The following ITFG1 variants were observed in gnomAD, a reference collection of about 807,000 sequenced individuals.
ITFG1 encodes T-cell immunomodulatory protein.
A neutral mutation model predicts 81.8 loss-of-function variants in ITFG1; 34 were observed. The observed-to-expected ratio is 0.42, with a 90% confidence interval of 0.32 to 0.55. The LOEUF (loss-of-function observed/expected upper bound fraction) is 0.55. Ranked by LOEUF, ITFG1 falls within the 20% of genes least tolerant of loss-of-function variation. The pLI is 0.17. For missense variants in ITFG1, 672 were observed against 755.4 expected (o/e 0.89, Z 1.29); for synonymous variants, 285 against 270.6 (o/e 1.05, Z -0.52).
At position 47,242,054 on chromosome 16, in the gene ITFG1, C is replaced by T. The variant is rs60870262; in HGVS notation, c.1331-4046G>A. Among the ~76,000 whole-genome samples, 1,186 of 151,876 alleles carry T rather than the reference C, an allele frequency of 7.8e-3. 14 individuals are homozygous for T. The highest frequency in any genetic ancestry group is 0.028 in the African/African-American group (1,145 of 41,454). On this transcript the variant is annotated intron_variant, in intron 12 of 17. Transcript: ENST00000320640. ...TCTCAAATGATTGCAGTGATGGTTG[C>T]ACAACGCTGAGAATATGCTAAAGCC...
chr16:47,224,032 A>T (rs1016293320), intron 13 of ITFG1, among the ~76,000 whole-genome samples: 5 of 127,714 alleles, frequency 3.9e-5, no homozygotes, highest in African/African-American at 1.2e-4. Flanking sequence ...ACATGGACAC[A>T]GGAAGGGGAA....
intron 8 of ITFG1, among the ~76,000 whole-genome samples, chr16:47,351,418 C>G (rs1431210729): frequency 6.6e-6 from 1 of 152,110 alleles, no homozygotes; most frequent in African/African-American, 2.4e-5. Flanking sequence ...ACACCAAAAA[C>G]AGACAAACAG....
chr16:47,298,411 ATTTCT>A (rs780488478), intron 10 of ITFG1, among the ~76,000 whole-genome samples: 13 of 151,922 alleles, frequency 8.6e-5, no homozygotes, highest in Admixed American at 6.5e-5. Context: ...TATTACACTG[ATTTCT>A]TTACATATGA....
intron 6 of ITFG1, among the ~76,000 whole-genome samples, chr16:47,392,755 A>AAC (rs2151596413): frequency 6.6e-6 from 1 of 152,354 alleles, no homozygotes; most frequent in African/African-American, 2.4e-5. Context: ...GCTCTGTTGT[A>AAC]AGGGGCTTAA....
At chr16:47,460,564 G>A (rs968814182) in intron 1 of ITFG1, among the ~76,000 whole-genome samples, 18 of 152,182 alleles carry the variant, frequency 1.2e-4, no homozygotes, top group Admixed American at 9.8e-4. Context: ...GGGGTAAGGT[G>A]ACTGGGTGAG....
intron 10 of ITFG1, among the ~76,000 whole-genome samples, chr16:47,282,748 C>T (rs972821967): frequency 6.6e-6 from 1 of 152,064 alleles, no homozygotes; most frequent in Admixed American, 6.6e-5. Flanking sequence ...ACATCCTCGC[C>T]AACATGTTGT....
intron 14 of ITFG1, among the ~76,000 whole-genome samples, chr16:47,209,824 T>C (rs1965544166): frequency 6.6e-6 from 1 of 152,230 alleles, no homozygotes; most frequent in Non-Finnish European, 1.5e-5. Context: ...ACTTCTGGGA[T>C]AGGCTTTTTC....
chr16:47,395,948 C>A (rs1327307228), intron 6 of ITFG1, among the ~76,000 whole-genome samples: 3 of 152,136 alleles, frequency 2.0e-5, no homozygotes, highest in Non-Finnish European at 4.4e-5. Flanking sequence ...AAATATCAAA[C>A]CATGTAACAC....
At chr16:47,254,421 A>G (rs1966116857) in intron 12 of ITFG1, among the ~76,000 whole-genome samples, 1 of 152,006 alleles carries the variant, frequency 6.6e-6, no homozygotes, top group Non-Finnish European at 1.5e-5. Flanking sequence ...TGGGAATTGG[A>G]ATATCTTATC....
intron 12 of ITFG1, among the ~76,000 whole-genome samples, chr16:47,248,845 C>T (rs750617679): frequency 2.6e-5 from 4 of 152,034 alleles, no homozygotes; most frequent in Non-Finnish European, 4.4e-5. Context: ...ACATAAAGGG[C>T]CCATTATGGA....
chr16:47,403,701 G>T (rs1478149709), intron 6 of ITFG1, among the ~76,000 whole-genome samples: 1 of 149,514 alleles, frequency 6.7e-6, no homozygotes, highest in African/African-American at 2.5e-5. Flanking sequence ...GAAGTGTTAA[G>T]ATATTTAATA....
intron 14 of ITFG1, among the ~76,000 whole-genome samples, chr16:47,213,306 A>G: frequency 6.6e-6 from 1 of 152,260 alleles, no homozygotes; most frequent in South Asian, 2.1e-4. Flanking sequence ...GAGGTTTTTA[A>G]ATTAAAATTT....
chr16:47,316,856 T>C (rs965794009), intron 8 of ITFG1, among the ~76,000 whole-genome samples: 3 of 152,200 alleles, frequency 2.0e-5, no homozygotes, highest in Admixed American at 2.0e-4. Context: ...ATAATGTCTC[T>C]TTGTGAGTAG....
At chr16:47,342,292 C>T (rs1967794212) in intron 8 of ITFG1, among the ~76,000 whole-genome samples, 2 of 152,100 alleles carry the variant, frequency 1.3e-5, no homozygotes, top group African/African-American at 2.4e-5. Flanking sequence ...TCAAGTGACA[C>T]ATAAAAGGCA....
At chr16:47,183,807 GAGA>G (rs1221847222) in intron 14 of ITFG1, among the ~76,000 whole-genome samples, 2 of 152,202 alleles carry the variant, frequency 1.3e-5, no homozygotes, top group African/African-American at 2.4e-5. Flanking sequence ...GACGAGCTGA[GAGA>G]AGAAGGCTTC....
chr16:47,411,676 G>A (rs886132542), intron 6 of ITFG1, among the ~76,000 whole-genome samples: 1 of 152,108 alleles, frequency 6.6e-6, no homozygotes, highest in African/African-American at 2.4e-5. Context: ...CAACCACTAA[G>A]GAAAGGGGAG....
rs775915683 is a variant in ITFG1 at position 47,460,851 on chromosome 16, G to A, written c.195C>T (p.Phe65=). 6 of 1,613,528 alleles carry A rather than the reference G, an allele frequency of 3.7e-6. No homozygotes were observed. The highest frequency in any genetic ancestry group is 1.7e-5 in the Admixed American group (1 of 60,016). Residue 65 remains phenylalanine, a synonymous_variant, in exon 1 of 18, where the codon TTC becomes TTT. Coordinates refer to ENST00000320640, the MANE Select transcript of ITFG1 (RefSeq NM_030790.5). ...DLNSDKQTDL[F]VLRERNDLIV... Reference sequence around the variant, plus strand: ...GCAAGCACTGACTTTCCCGCAGCACGAAGAGATCCGTCTGCTTGTCGGAGT... The same window carrying A: ...GCAAGCACTGACTTTCCCGCAGCACAAAGAGATCCGTCTGCTTGTCGGAGT...
At chr16:47,198,328 A>C (rs1965383030) in intron 14 of ITFG1, among the ~76,000 whole-genome samples, 1 of 152,204 alleles carries the variant, frequency 6.6e-6, no homozygotes, top group African/African-American at 2.4e-5. Flanking sequence ...ATTATAATGG[A>C]ACTGAAAAAT....
At chr16:47,456,285 A>G (rs1969451921) in intron 2 of ITFG1, among the ~76,000 whole-genome samples, 1 of 152,248 alleles carries the variant, frequency 6.6e-6, no homozygotes, top group Admixed American at 6.5e-5. Context: ...AGACTCCAAT[A>G]GCTTCCAAAA....
Sources: gnomAD v4.1 joint callset for allele counts (sites outside exome capture counted in the v4.1 genomes callset) on GRCh38, gnomAD v4.1.1 for gene constraint, MANE v1.5 for transcripts, NCBI Gene and HGNC (gene_info 2026-07-23, HGNC 2026-07-21) for gene names.